The following VSX2 variants were observed in gnomAD, a reference collection of about 807,000 sequenced individuals.
VSX2 encodes ceh-10 homeo domain containing homolog.
Under a neutral mutation model 32.1 loss-of-function variants are expected in VSX2, and 28 were observed. That is an observed-to-expected ratio of 0.87 (90% CI 0.65 to 1.20). The LOEUF (loss-of-function observed/expected upper bound fraction) is 1.20, where lower values mean the gene tolerates loss of function less well. Among genes scored for constraint, VSX2 ranks in the 50% most tolerant of loss-of-function variants. The pLI, the probability that VSX2 is intolerant of heterozygous loss-of-function variation, is 0.00. For synonymous variants in VSX2, 243 were observed against 214.1 expected (o/e 1.14, Z -1.18); for missense variants, 506 against 488.7 (o/e 1.04, Z -0.33).
At chr14:74,240,058 C>T in intron 1 of VSX2, 127 bp downstream of exon 1, 2 of 1,319,994 alleles carry the variant, frequency 1.5e-6, no homozygotes, top group East Asian at 5.1e-5. Context: ...GGGGTCGCCG[C>T]CTGGGCCTTG....
chr14:74,239,996 G>T (rs1281718910), intron 1 of VSX2, 65 bp downstream of exon 1: 32 of 1,531,524 alleles, frequency 2.1e-5, no homozygotes, highest in Non-Finnish European at 2.2e-5. Context: ...CCGCGCCGTC[G>T]GCTCTCGCTT....
intron 2 of VSX2, among the ~76,000 whole-genome samples, chr14:74,242,246 T>A (rs778785562): frequency 6.6e-6 from 1 of 152,188 alleles, no homozygotes. Context: ...TCCGTCCCCA[T>A]CAGGTGGGGC....
intron 4 of VSX2, 64 bp downstream of exon 4, chr14:74,259,846 G>C (rs929165013): frequency 1.9e-6 from 3 of 1,544,172 alleles, no homozygotes; most frequent in African/African-American, 1.4e-5. Flanking sequence ...CCTTGGAGGA[G>C]GGGACAGAGC....
intron 2 of VSX2, 112 bp from the exon 3 acceptor site, chr14:74,245,053 C>T: frequency 7.0e-7 from 1 of 1,428,398 alleles, no homozygotes; most frequent in Non-Finnish European, 9.6e-7. Flanking sequence ...TGTGCTGAGC[C>T]AGCCTGGGTT....
In VSX2 at chr14:74,259,827, G is replaced by C. The variant is rs973339539; in HGVS notation, c.760+45G>C. 5.7e-6 allele frequency: 9 copies of C among 1,583,512 alleles called. No homozygotes were observed. The Admixed American group carries it at 8.8e-5, about 15-fold the overall frequency. On this transcript the variant is annotated intron_variant, in intron 4 of 4. Coordinates refer to ENST00000261980, the MANE Select transcript of VSX2 (RefSeq NM_182894.3). ...TTGGGGTCCTGCCCTGCGGTGAGGA[G>C]AGCGGGCTCCTTGGAGGAGGGGACA... is the stretch of plus-strand genomic sequence containing the variant.
intron 2 of VSX2, among the ~76,000 whole-genome samples, chr14:74,241,921 C>T (rs534624164): frequency 6.6e-6 from 1 of 152,140 alleles, no homozygotes; most frequent in Non-Finnish European, 1.5e-5. Flanking sequence ...TGGACTGCAT[C>T]GGGGTACAGA....
At chr14:74,244,589 G>A (rs1209153110) in intron 2 of VSX2, among the ~76,000 whole-genome samples, 1 of 152,158 alleles carries the variant, frequency 6.6e-6, no homozygotes, top group Non-Finnish European at 1.5e-5. Flanking sequence ...TTCAGCTCTA[G>A]TGACTGTGAG....
At chr14:74,254,623 G>T (rs1024254514) in intron 3 of VSX2, among the ~76,000 whole-genome samples, 2 of 152,094 alleles carry the variant, frequency 1.3e-5, no homozygotes, top group African/African-American at 2.4e-5. Context: ...AGGCCAGAGG[G>T]CCAGGCAATG....
Position 74,239,936 on chromosome 14 carries a change from G to A in VSX2, c.370+5G>A. 1 of 1,559,226 alleles carries A rather than the reference G, an allele frequency of 6.4e-7. No homozygotes were observed. The highest frequency in any genetic ancestry group is 1.2e-5 in the South Asian group (1 of 84,880). On this transcript the variant is annotated splice_donor_5th_base_variant and intron_variant, in intron 1 of 4. Coordinates refer to ENST00000261980, the MANE Select transcript of VSX2 (RefSeq NM_182894.3). Reference sequence around the variant, plus strand: ...CCAGCCAGACGGCCAGCTCGGGTAGGTGAGGAGAGGTTGCGCTGCTGCCTG... The same window carrying A: ...CCAGCCAGACGGCCAGCTCGGGTAGATGAGGAGAGGTTGCGCTGCTGCCTG...
At chr14:74,256,056 G>A (rs1212519953) in intron 3 of VSX2, among the ~76,000 whole-genome samples, 2 of 152,178 alleles carry the variant, frequency 1.3e-5, no homozygotes, top group African/African-American at 4.8e-5. Flanking sequence ...CTCCAGTCTG[G>A]CTGCACAGAT....
At chr14:74,246,524 T>A (rs2079192875) in intron 3 of VSX2, among the ~76,000 whole-genome samples, 1 of 152,230 alleles carries the variant, frequency 6.6e-6, no homozygotes, top group Non-Finnish European at 1.5e-5. Flanking sequence ...TTTGGTGCAT[T>A]ATCCATGGGG....
rs146865659 is a variant in VSX2 at position 74,252,715 on chromosome 14, G to A, written c.580-6887G>A. On this transcript the variant is annotated intron_variant, in intron 3 of 4. Transcript: ENST00000261980. ...ACCTGGGCTTTCTGATTGCTGCTGG[G>A]GTATCACTGCTGATACCTCTGAGGA... 1.0e-3 allele frequency among the ~76,000 whole-genome samples: 156 copies of A among 152,064 alleles called. 3 individuals carry two copies. The East Asian group carries it at 0.027, about 26-fold the overall frequency.
chr14:74,244,901 T>TAAAGAGAGAGAGAAAGAGAGAGAGAAA (rs2079174626), intron 2 of VSX2, among the ~76,000 whole-genome samples: 1 of 65,804 alleles, frequency 1.5e-5, no homozygotes, highest in Non-Finnish European at 3.7e-5. Context: ...TGTGTGTGTG[T>TAAAGAGAGAGAGAAAGAGAGAGAGAAA]GTGTGTGTGT....
At chr14:74,242,581 G>T (rs996735323) in intron 2 of VSX2, among the ~76,000 whole-genome samples, 1 of 149,198 alleles carries the variant, frequency 6.7e-6, no homozygotes, top group African/African-American at 2.5e-5. Context: ...TATTTTAAAA[G>T]GAAAAAGAAA....
chr14:74,247,960 A>G (rs922546977), intron 3 of VSX2, among the ~76,000 whole-genome samples: 58 of 151,960 alleles, frequency 3.8e-4, no homozygotes, highest in African/African-American at 1.3e-3. Flanking sequence ...TAGTTCATGT[A>G]TATTCAGCAG....
chr14:74,241,232 A>T lies in VSX2; in HGVS notation c.421A>T (p.Asn141Tyr), dbSNP rs761409644. Residue 141 changes from asparagine (N) to tyrosine (Y), a missense_variant, in exon 2 of 5, where the codon AAC becomes TAC. Asn to Tyr is a moderately radical substitution (Grantham distance 143, BLOSUM62 -2). Transcript: ENST00000261980. ...SDRKMSKSALNQTKKRKKRRH... is the reference protein window; with the variant it reads ...SDRKMSKSALYQTKKRKKRRH... ...TCGAAAAATGTCCAAATCTGCTTTAAACCAGACCAAGAAACGGAAGAAGCG... is the reference window on the plus strand; with the variant it reads ...TCGAAAAATGTCCAAATCTGCTTTATACCAGACCAAGAAACGGAAGAAGCG... 13 of 1,613,326 alleles carry T rather than the reference A, an allele frequency of 8.1e-6. No individual in the cohort carries two copies. In the South Asian group the frequency reaches 9.9e-5, roughly 12 times the overall value.
chr14:74,252,318 G>C (rs957658602), intron 3 of VSX2, among the ~76,000 whole-genome samples: 16 of 152,164 alleles, frequency 1.1e-4, no homozygotes, highest in African/African-American at 3.9e-4. Context: ...CACATTCTGT[G>C]CCTGCTGTGG....
intron 2 of VSX2, 71 bp downstream of exon 2, chr14:74,241,337 T>C: frequency 2.7e-6 from 4 of 1,508,312 alleles, no homozygotes; most frequent in Non-Finnish European, 3.7e-6. Flanking sequence ...CGGGATCGGG[T>C]CTCTCGGACC....
At chr14:74,244,692 G>A (rs1210982376) in intron 2 of VSX2, among the ~76,000 whole-genome samples, 2 of 151,896 alleles carry the variant, frequency 1.3e-5, no homozygotes, top group African/African-American at 4.8e-5. Context: ...GGGGCTTTCT[G>A]CTTTTCTAGA....
Sources: allele counts gnomAD v4.1 joint callset (sites outside exome capture counted in the v4.1 genomes callset), GRCh38; gene constraint gnomAD v4.1.1; transcripts MANE v1.5; gene names NCBI Gene and HGNC (gene_info 2026-07-23, HGNC 2026-07-21).